Variants in SHANK2 observed in about 807,000 individuals in gnomAD.
SHANK2 encodes the protein SH3 and multiple ankyrin repeat domains protein 2.
In SHANK2, 43 loss-of-function variants were observed where a neutral mutation model predicts 133.7. The ratio of observed to expected loss-of-function variants is 0.32; its 90% CI spans 0.25 to 0.41. The LOEUF (loss-of-function observed/expected upper bound fraction) is 0.41, where lower values mean the gene tolerates loss of function less well. SHANK2 is among the 10% of genes least tolerant of loss of function. The pLI is 1.00. For missense variants in SHANK2, 1,994 were observed against 2,235.8 expected, an observed-to-expected ratio of 0.89 and a Z score of 2.18; for synonymous variants, 1,017 against 952.8, an observed-to-expected ratio of 1.07 and a Z score of -1.24.
chr11:70,524,278 C>T (rs1237544260), intron 17 of SHANK2, among the ~76,000 whole-genome samples: 1 of 152,212 alleles, frequency 6.6e-6, no homozygotes, highest in Non-Finnish European at 1.5e-5. Flanking sequence ...TGGGAAAGCA[C>T]CAGGGGCAGC....
chr11:70,752,719 A>AAAAAAAG (rs1946780076), intron 14 of SHANK2, among the ~76,000 whole-genome samples: 1 of 151,626 alleles, frequency 6.6e-6, no homozygotes, highest in Non-Finnish European at 1.5e-5. Flanking sequence ...AAAAAAAAAA[A>AAAAAAAG]AATCAATTCA....
intron 17 of SHANK2, among the ~76,000 whole-genome samples, chr11:70,578,631 G>A (rs2060146717): frequency 1.3e-5 from 2 of 152,128 alleles, no homozygotes. Context: ...ACGTCTCACA[G>A]GCAGAACCTT....
intron 10 of SHANK2, among the ~76,000 whole-genome samples, chr11:70,954,795 T>G (rs1950893465): frequency 6.6e-6 from 1 of 152,250 alleles, no homozygotes; most frequent in Non-Finnish European, 1.5e-5. Context: ...TGTTTCTGGC[T>G]TCGGCCTTTC....
intron 10 of SHANK2, among the ~76,000 whole-genome samples, chr11:70,912,349 C>A (rs1252327778): frequency 6.6e-6 from 1 of 152,102 alleles, no homozygotes. Context: ...CCATCCAAAT[C>A]TCAACTTGAA....
At chr11:70,875,299 T>C (rs1949540276) in intron 11 of SHANK2, among the ~76,000 whole-genome samples, 1 of 152,114 alleles carries the variant, frequency 6.6e-6, no homozygotes, top group South Asian at 2.1e-4. Flanking sequence ...AGAGCTCTGC[T>C]TTCGGAACAT....
intron 14 of SHANK2, among the ~76,000 whole-genome samples, chr11:70,786,595 T>C (rs1489024698): frequency 6.6e-6 from 1 of 152,138 alleles, no homozygotes; most frequent in Non-Finnish European, 1.5e-5. Flanking sequence ...AGCTGAGACA[T>C]ACAAGGGTAA....
At chr11:71,212,430 T>C (rs1016291561) in intron 2 of SHANK2, among the ~76,000 whole-genome samples, 37 of 152,358 alleles carry the variant, frequency 2.4e-4, no homozygotes, top group Admixed American at 2.3e-3. Context: ...GTCACAGCCC[T>C]TTTCCTAGGA....
At chr11:70,483,375 T>C (rs1192582023) in intron 25 of SHANK2, among the ~76,000 whole-genome samples, 1 of 151,856 alleles carries the variant, frequency 6.6e-6, no homozygotes, top group African/African-American at 2.4e-5. Flanking sequence ...CACATTAGTA[T>C]GTAATGGGGA....
At chr11:70,631,036 G>A (rs2134084527) in intron 17 of SHANK2, 1 of 152,370 alleles carries the variant, frequency 6.6e-6, no homozygotes, top group East Asian at 1.9e-4. Context: ...CTGCATTCCG[G>A]AATCTGACCC....
chr11:71,244,596 G>T (rs1453189475), intron 1 of SHANK2, among the ~76,000 whole-genome samples: 2 of 152,208 alleles, frequency 1.3e-5, no homozygotes, highest in Non-Finnish European at 2.9e-5. Flanking sequence ...TTGTGATATT[G>T]CAACAAGCTG....
At chr11:71,145,351 T>A (rs1952623609) in intron 3 of SHANK2, among the ~76,000 whole-genome samples, 1 of 152,228 alleles carries the variant, frequency 6.6e-6, no homozygotes, top group East Asian at 1.9e-4. Flanking sequence ...TTAAGAGAGT[T>A]TATGCATTTG....
intron 17 of SHANK2, among the ~76,000 whole-genome samples, chr11:70,543,474 G>A (rs913889347): frequency 4.6e-5 from 7 of 152,196 alleles, no homozygotes; most frequent in Non-Finnish European, 8.8e-5. Flanking sequence ...AATCAATCAT[G>A]TCCGTGTAAT....
At chr11:70,839,431 C>T (rs1004499873) in intron 11 of SHANK2, among the ~76,000 whole-genome samples, 6 of 152,176 alleles carry the variant, frequency 3.9e-5, no homozygotes, top group African/African-American at 1.4e-4. Flanking sequence ...ACACACACCC[C>T]CCTGGTAGAG....
intron 3 of SHANK2, among the ~76,000 whole-genome samples, chr11:71,136,680 T>C (rs1221039873): frequency 6.6e-6 from 1 of 152,190 alleles, no homozygotes; most frequent in Admixed American, 6.5e-5. Context: ...GGCCACATGT[T>C]GTTTGACTCC....
chr11:70,662,213 T>C (rs1172499836), intron 15 of SHANK2: 1 of 225,688 alleles, frequency 4.4e-6, no homozygotes, highest in Non-Finnish European at 8.9e-6. Flanking sequence ...AATCAAATCC[T>C]ATCTGCTCCC....
At chr11:70,951,906 C>T (rs186463056) in intron 10 of SHANK2, among the ~76,000 whole-genome samples, 3 of 152,310 alleles carry the variant, frequency 2.0e-5, no homozygotes, top group Admixed American at 6.5e-5. Flanking sequence ...TGTCTCTTTT[C>T]GCTTTTCTTA....
intron 7 of SHANK2, 75 bp downstream of exon 7, chr11:71,094,462 T>G (rs916088175): frequency 1.3e-5 from 19 of 1,440,510 alleles, no homozygotes; most frequent in Middle Eastern, 4.1e-4. Flanking sequence ...GGATGGGCAC[T>G]GCGGGGATGG....
At chr11:71,167,537 G>C (rs1953187760) in intron 2 of SHANK2, among the ~76,000 whole-genome samples, 1 of 134,360 alleles carries the variant, frequency 7.4e-6, no homozygotes. Context: ...TGGCCGGGCG[G>C]GGGGCTGACC....
intron 9 of SHANK2, among the ~76,000 whole-genome samples, chr11:71,065,979 G>A: frequency 7.7e-6 from 1 of 129,624 alleles, no homozygotes. Context: ...AGTGAGTGGG[G>A]AAGTTGGGAG....
Sources: gnomAD v4.1 joint callset for allele counts (sites outside exome capture counted in the v4.1 genomes callset) on GRCh38, gnomAD v4.1.1 for gene constraint, MANE v1.5 for transcripts, NCBI Gene and HGNC (gene_info 2026-07-23, HGNC 2026-07-21) for gene names.